Variants in PTPRU observed in about 807,000 individuals in gnomAD.
PTPRU encodes protein tyrosine phosphatase receptor type U, also known as receptor-type tyrosine-protein phosphatase U.
A neutral mutation model predicts 166.3 loss-of-function variants in PTPRU; 69 were observed. The ratio of observed to expected loss-of-function variants is 0.41; its 90% confidence interval spans 0.34 to 0.51. PTPRU has a LOEUF of 0.51. Among genes scored for constraint, PTPRU ranks in the 20% least tolerant of loss-of-function variants. PTPRU has a pLI of 0.09. For synonymous variants in PTPRU, 793 were observed against 814.0 expected (o/e 0.97, Z 0.44); for missense variants, 1,657 against 2,013.7 (o/e 0.82, Z 3.39).
At position 29,280,925 on chromosome 1, in the gene PTPRU, A is replaced by C. The variant is rs563209803; in HGVS notation, c.1868+784A>C. 3.9e-5 allele frequency among the ~76,000 whole-genome samples: 6 copies of C among 152,132 alleles called. No individual in the cohort carries two copies. Among genetic ancestry groups the C allele is most frequent in the Non-Finnish European group, 5.9e-5 (4 of 68,024 alleles). On this transcript the variant is annotated intron_variant, in intron 11 of 29. Coordinates refer to ENST00000373779, the MANE Select transcript of PTPRU (RefSeq NM_133178.4). The surrounding 1 kb of genome is among the most constrained non-coding windows in gnomAD (Gnocchi z 4.2). ...TATTACCTTCATTTTACATATCGGG[A>C]AACTGACTCAGAGCCTGAATCACTT...
At chr1:29,293,608 G>A (rs1229541401) in intron 15 of PTPRU, among the ~76,000 whole-genome samples, 3 of 151,826 alleles carry the variant, frequency 2.0e-5, no homozygotes, top group Non-Finnish European at 4.4e-5. Context: ...CCTAGTAGCT[G>A]GGACTACAGG....
intron 26 of PTPRU, among the ~76,000 whole-genome samples, chr1:29,322,855 G>A (rs1688220737): frequency 1.3e-5 from 2 of 152,084 alleles, no homozygotes. Context: ...TCTGGAGTCT[G>A]GGAGGGGGTT....
intron 7 of PTPRU, among the ~76,000 whole-genome samples, chr1:29,262,744 C>G (rs1303265523): frequency 6.6e-6 from 1 of 152,086 alleles, no homozygotes; most frequent in African/African-American, 2.4e-5. Flanking sequence ...ACCATTAACT[C>G]AATTAATTAA....
Position 29,291,856 on chromosome 1 carries a change from C to T in PTPRU, c.2319-13C>T, listed in dbSNP as rs1686648865. Reference sequence around the variant, plus strand: ...ACACAATGCCTGTGTCTCCCCTCAACCCCCCTCTCCAGGAAGCCGGTGAAC... The same window carrying T: ...ACACAATGCCTGTGTCTCCCCTCAATCCCCCTCTCCAGGAAGCCGGTGAAC... On this transcript the variant is annotated splice_polypyrimidine_tract_variant and intron_variant, in intron 14 of 29. Transcript: ENST00000373779. This position sits in a 1 kb window ranked among gnomAD's most constrained non-coding sequence, Gnocchi z 4.1. 1 of 1,612,842 alleles carries T rather than the reference C, an allele frequency of 6.2e-7. No individual in the cohort carries two copies. The highest frequency in any genetic ancestry group is 1.7e-5 in the Admixed American group (1 of 59,854).
chr1:29,313,896 A>G (rs1421304578), intron 22 of PTPRU, among the ~76,000 whole-genome samples: 2 of 152,204 alleles, frequency 1.3e-5, no homozygotes, highest in African/African-American at 4.8e-5. Flanking sequence ...GGAGCAGAAC[A>G]TGAACAGTTC....
At position 29,259,933 on chromosome 1, in the gene PTPRU, G is replaced by A; in HGVS notation, c.739G>A (p.Ala247Thr). The A allele has an allele frequency of 6.5e-7, 1 of 1,535,662 alleles. No individual in the cohort carries two copies. Residue 247 changes from alanine (A) to threonine (T), a missense_variant, in exon 6 of 30, where the codon GCC becomes ACC. Physicochemically the swap from Ala to Thr is moderately conservative, Grantham distance 58. This residue lies in a region of PTPRU where 453 missense variants were observed against 496.9 expected (regional missense o/e 0.91). Transcript: ENST00000373779. Reference protein sequence around the residue: ...VRHISHRRFLATFPLAAVSRA... With the variant: ...VRHISHRRFLTTFPLAAVSRA... ...GCACATCAGCCACCGGCGCTTCCTG[G>A]CCACTTTCCCGCTGGCTGCCGTGAG...
chr1:29,272,427 T>C (rs1356085799), intron 7 of PTPRU, among the ~76,000 whole-genome samples: 1 of 152,128 alleles, frequency 6.6e-6, no homozygotes, highest in Admixed American at 6.5e-5. Flanking sequence ...GACATGCTGC[T>C]TGCCTGCATT....
Position 29,311,453 on chromosome 1 carries a change from C to T in PTPRU, c.2858-3C>T, listed in dbSNP as rs1408700804. The T allele has an allele frequency of 6.2e-7, 1 of 1,614,058 alleles. No homozygotes were observed. The highest frequency in any genetic ancestry group is 8.5e-7 in the Non-Finnish European group (1 of 1,180,006). On this transcript the variant is annotated splice_region_variant and splice_polypyrimidine_tract_variant and intron_variant, in intron 19 of 29. Transcript: ENST00000373779. The surrounding 1 kb of genome is among the most constrained non-coding windows in gnomAD (Gnocchi z 4.1). The stretch of plus-strand genomic sequence containing the variant: ...GACAGGCACCCTCTGCCTGCATCCC[C>T]AGGGCCGAAGCCTGAGATGGTCTAT...
intron 18 of PTPRU, among the ~76,000 whole-genome samples, chr1:29,308,920 T>C (rs1267146986): frequency 6.6e-6 from 1 of 152,024 alleles, no homozygotes; most frequent in African/African-American, 2.4e-5. Flanking sequence ...TCCCAGCTAC[T>C]TGGGAGGTTG....
Position 29,280,837 on chromosome 1 carries a change from C to T in PTPRU, c.1868+696C>T, listed in dbSNP as rs1250410165. Among the ~76,000 whole-genome samples the T allele has an allele frequency of 1.3e-5, 2 of 152,084 alleles. No individual in the cohort carries two copies. The highest frequency in any genetic ancestry group is 1.5e-5 in the Non-Finnish European group (1 of 68,006). Reference sequence around the variant, plus strand: ...TGTGCACGTACTGTTAGCCAGACCCCGTGCTAGGGGCTTTATCTGCATGAA... The same window carrying T: ...TGTGCACGTACTGTTAGCCAGACCCTGTGCTAGGGGCTTTATCTGCATGAA... On this transcript the variant is annotated intron_variant, in intron 11 of 29. Coordinates refer to ENST00000373779, the MANE Select transcript of PTPRU (RefSeq NM_133178.4). The surrounding 1 kb of genome is among the most constrained non-coding windows in gnomAD (Gnocchi z 4.2).
chr1:29,254,335 C>T (rs1330984887), intron 1 of PTPRU, among the ~76,000 whole-genome samples: 3 of 152,204 alleles, frequency 2.0e-5, no homozygotes. Flanking sequence ...CTTTGATGAA[C>T]TCACTAAGAT....
At position 29,279,464 on chromosome 1, in the gene PTPRU, C is replaced by T. The variant is rs761968272; in HGVS notation, c.1572C>T (p.Tyr524=). 4 of 1,614,084 alleles carry T rather than the reference C, an allele frequency of 2.5e-6. No homozygotes were observed. The highest frequency in any genetic ancestry group is 3.4e-6 in the Non-Finnish European group (4 of 1,179,988). The change falls in exon 10 of 30, where the codon TAC becomes TAT. Residue 524 remains tyrosine (Y), a synonymous_variant. Transcript: ENST00000373779. This position sits in a 1 kb window ranked among gnomAD's most constrained non-coding sequence, Gnocchi z 5.2. The part of the protein sequence containing the change: ...NGLITQYEIS[Y]QSIESSDPAV... ...GCCAATCCTGCCCCCAGATCAGCTA[C>T]CAGAGCATCGAGTCATCAGACCCGG...
intron 5 of PTPRU, 34 bp downstream of exon 5, chr1:29,259,598 GGTGGGA>G: frequency 6.7e-7 from 1 of 1,503,302 alleles, no homozygotes; most frequent in Non-Finnish European, 9.0e-7. Context: ...CTGGGGGCGG[GGTGGGA>G]GGGGGTTGGT....
At chr1:29,303,082 A>G (rs1687210517) in intron 15 of PTPRU, among the ~76,000 whole-genome samples, 1 of 152,140 alleles carries the variant, frequency 6.6e-6, no homozygotes, top group South Asian at 2.1e-4. Context: ...CATTTTTCGG[A>G]ATGCATCCCT....
chr1:29,300,502 CTTGCATACCTACGATT>C (rs760217474), intron 15 of PTPRU, among the ~76,000 whole-genome samples: 10 of 152,212 alleles, frequency 6.6e-5, no homozygotes, highest in African/African-American at 9.7e-5. Context: ...ACTTAATCAT[CTTGCATACCTACGATT>C]TTCTGAAACA....
Position 29,251,983 on chromosome 1 carries a change from G to T in PTPRU, c.74-3292G>T, listed in dbSNP as rs141793676. Among the ~76,000 whole-genome samples the T allele has an allele frequency of 6.9e-4, 105 of 152,318 alleles. 1 individual carries two copies. The highest frequency in any genetic ancestry group is 2.4e-3 in the African/African-American group (99 of 41,570). ...GTTCTTTCTCTCTGCTGCACTGTGG[G>T]TCTTTTTCTACAGGGGAAGCTGAGG... On this transcript the variant is annotated intron_variant, in intron 1 of 29. Transcript: ENST00000373779.
chr1:29,284,127 A>G lies in PTPRU; in HGVS notation c.2179+151A>G, dbSNP rs117242649. On this transcript the variant is annotated intron_variant, in intron 13 of 29. Transcript: ENST00000373779. ...AGGAGGGGCTTCCTGCTGGGTTTCC[A>G]TGTGCCCTACCTCAAGGGCGCCTTC... 1.6e-3 allele frequency: 1,505 copies of G among 953,082 alleles called. 25 individuals carry two copies. The East Asian group carries it at 0.036, about 23-fold the overall frequency. 59.0% of individuals were successfully genotyped at this position (953,082 alleles called of 1,614,324 possible).
chr1:29,279,572 C>A lies in PTPRU; in HGVS notation c.1680C>A (p.Gly560=). 1.2e-6 allele frequency: 2 copies of A among 1,614,182 alleles called. No homozygotes were observed. The highest frequency in any genetic ancestry group is 1.7e-6 in the Non-Finnish European group (2 of 1,180,042). ...TYHVFSNLHP[G]TTYLFSVRAR... Reference sequence around the variant, plus strand: ...ATGTCTTCTCCAACCTGCACCCAGGCACCACCTACCTGTTCTCCGTGCGGG... The same window carrying A: ...ATGTCTTCTCCAACCTGCACCCAGGAACCACCTACCTGTTCTCCGTGCGGG... Residue 560 remains glycine, a synonymous_variant, in exon 10 of 30, where the codon GGC becomes GGA. Transcript: ENST00000373779. The surrounding 1 kb of genome is among the most constrained non-coding windows in gnomAD (Gnocchi z 5.2).
At chr1:29,310,025 G>C (rs574138332) in intron 18 of PTPRU, among the ~76,000 whole-genome samples, 1 of 152,302 alleles carries the variant, frequency 6.6e-6, no homozygotes, top group East Asian at 1.9e-4. Context: ...CTTGTCGGAG[G>C]GCAGGTTTCT....
Sources: allele counts gnomAD v4.1 joint callset (sites outside exome capture counted in the v4.1 genomes callset), GRCh38; gene constraint gnomAD v4.1.1; regional missense constraint gnomAD v4.1.1; non-coding constraint Gnocchi (gnomAD v3.1); transcripts MANE v1.5; gene names NCBI Gene and HGNC (gene_info 2026-07-23, HGNC 2026-07-21).